USP6NL: variants seen among roughly 807,000 people sequenced by gnomAD.
USP6NL encodes USP6 N-terminal like, also known as USP6 N-terminal-like protein.
A neutral mutation model predicts 61.9 loss-of-function variants in USP6NL; 26 were observed. The observed-to-expected ratio is 0.42, with a 90% CI of 0.31 to 0.58. The LOEUF (loss-of-function observed/expected upper bound fraction) is 0.58. Among genes scored for constraint, USP6NL ranks in the 20% least tolerant of loss-of-function variants. The pLI is 0.16. For synonymous variants in USP6NL, 432 were observed against 390.1 expected (o/e 1.11, Z -1.27); for missense variants, 1,114 against 1,034.3 (o/e 1.08, Z -1.06).
At position 11,555,429 on chromosome 10, in the gene USP6NL, A is replaced by T. The variant is rs1471453515; in HGVS notation, c.5-27862T>A. ...AAACTCGGTCTTAAAAAAAAAAAAA[A>T]AAAAATATATATATATATATATAGA... On this transcript the variant is annotated intron_variant, in intron 2 of 14. Transcript: ENST00000609104. 9.5e-4 allele frequency among the ~76,000 whole-genome samples: 79 copies of T among 83,022 alleles called. 1 individual carries two copies. The highest frequency in any genetic ancestry group is 1.1e-3 in the Non-Finnish European group (51 of 45,376). 54.5% of individuals were successfully genotyped at this position (83,022 alleles called of 152,430 possible).
At chr10:11,570,728 T>C (rs1280196875) in intron 2 of USP6NL, among the ~76,000 whole-genome samples, 2 of 152,170 alleles carry the variant, frequency 1.3e-5, no homozygotes, top group Non-Finnish European at 2.9e-5. Flanking sequence ...CTTACACACA[T>C]CTGAAGAGAT....
In USP6NL at chr10:11,510,460, T is replaced by G. The variant is rs1314942831; in HGVS notation, c.196-785A>C. The stretch of plus-strand genomic sequence containing the variant: ...GGGCCGACAGCAGCTCCAAAGGGTT[T>G]ACAAAAAAGCATCAGGACACCAGGC... On this transcript the variant is annotated intron_variant, in intron 5 of 14. Coordinates refer to ENST00000609104, the MANE Select transcript of USP6NL (RefSeq NM_014688.5). This position sits in a 1 kb window ranked among gnomAD's most constrained non-coding sequence, Gnocchi z 4.8. Among the ~76,000 whole-genome samples, 2 of 152,108 alleles carry G rather than the reference T, an allele frequency of 1.3e-5. No homozygotes were observed. The highest frequency in any genetic ancestry group is 4.8e-5 in the African/African-American group (2 of 41,412).
At chr10:11,527,929 C>T (rs189225164) in intron 2 of USP6NL, among the ~76,000 whole-genome samples, 6 of 152,234 alleles carry the variant, frequency 3.9e-5, no homozygotes, top group East Asian at 1.9e-4. Flanking sequence ...ACATTCAAAA[C>T]GGCTTTTAAA....
Position 11,485,307 on chromosome 10 carries a change from AG to A in USP6NL, c.760-74del. The A allele has an allele frequency of 6.5e-6, 8 of 1,239,880 alleles. No homozygotes were observed. The highest frequency in any genetic ancestry group is 8.8e-6 in the Non-Finnish European group (8 of 904,990). The allele number at this position is 1,239,880 out of a possible 1,614,324, so 76.8% of individuals were successfully genotyped here. The stretch of plus-strand genomic sequence containing the variant: ...TTAACAAAATAATACTAAGTTAGGA[AG>A]GCTGTTGGATGCAGCTATCAAAGCT... On this transcript the variant is annotated intron_variant, in intron 11 of 14. Coordinates refer to ENST00000609104, the MANE Select transcript of USP6NL (RefSeq NM_014688.5). The surrounding 1 kb of genome is among the most constrained non-coding windows in gnomAD (Gnocchi z 4.8).
chr10:11,538,975 G>A (rs898805396), intron 2 of USP6NL, among the ~76,000 whole-genome samples: 1 of 152,168 alleles, frequency 6.6e-6, no homozygotes, highest in Non-Finnish European at 1.5e-5. Flanking sequence ...CTGCTCATGT[G>A]GCTGGGTGTG....
intron 2 of USP6NL, among the ~76,000 whole-genome samples, chr10:11,586,752 TA>T (rs1287180410): frequency 1.3e-5 from 2 of 151,790 alleles, no homozygotes; most frequent in Non-Finnish European, 2.9e-5. Context: ...TAAATGAAAT[TA>T]GATAAAAGTA....
At chr10:11,497,473 C>T (rs11257130) in intron 7 of USP6NL, among the ~76,000 whole-genome samples, 48,131 of 150,590 alleles carry the variant, frequency 0.32, 8,223 homozygotes, top group East Asian at 0.67. Flanking sequence ...GAGGTTTCAA[C>T]TGTTGTTCTA....
rs1833417373 is a variant in USP6NL, at chr10:11,485,389, T to C, written c.760-155A>G. Among the ~76,000 whole-genome samples the C allele has an allele frequency of 6.6e-6, 1 of 152,218 alleles. No homozygotes were observed. Among genetic ancestry groups the C allele is most frequent in the Admixed American group, 6.5e-5 (1 of 15,284 alleles). The stretch of plus-strand genomic sequence containing the variant: ...GAATAAATTCCTCTTAGGACTGTAA[T>C]ACAACAATTAGATTCTCTTTAATAT... On this transcript the variant is annotated intron_variant, in intron 11 of 14. Coordinates refer to ENST00000609104, the MANE Select transcript of USP6NL (RefSeq NM_014688.5). The surrounding 1 kb of genome is among the most constrained non-coding windows in gnomAD (Gnocchi z 4.8).
At chr10:11,477,137 G>C (rs1296189065) in intron 14 of USP6NL, among the ~76,000 whole-genome samples, 1 of 152,180 alleles carries the variant, frequency 6.6e-6, no homozygotes, top group Non-Finnish European at 1.5e-5. Context: ...CTTCCAAAGT[G>C]TTGGGATTAC....
rs540248232 is a variant in USP6NL at position 11,556,560 on chromosome 10, G to A, written c.5-28993C>T. ...AAACAAACAAGCACTCAGCAAATAC[G>A]AAAGTAAAAGAATGGGAAAGTTATA... is the stretch of plus-strand genomic sequence containing the variant. On this transcript the variant is annotated intron_variant, in intron 2 of 14. Transcript: ENST00000609104. 1.4e-4 allele frequency among the ~76,000 whole-genome samples: 21 copies of A among 152,148 alleles called. No individual in the cohort carries two copies. The South Asian group carries it at 3.5e-3, about 26-fold the overall frequency.
At chr10:11,507,668 G>GA (rs1388798032) in intron 6 of USP6NL, among the ~76,000 whole-genome samples, 2 of 152,094 alleles carry the variant, frequency 1.3e-5, no homozygotes, top group Non-Finnish European at 2.9e-5. Context: ...CTACAGTAAA[G>GA]AAAGAAATCT....
intron 5 of USP6NL, among the ~76,000 whole-genome samples, chr10:11,514,192 T>C (rs1421196434): frequency 6.6e-6 from 1 of 151,096 alleles, no homozygotes; most frequent in African/African-American, 2.4e-5. Flanking sequence ...TTAACAACTC[T>C]ACCCAATGGT....
At position 11,543,168 on chromosome 10, in the gene USP6NL, A is replaced by G. The variant is rs1451272622; in HGVS notation, c.5-15601T>C. ...AGGGTAACTGTAAGCCTTTTTAACT[A>G]TGCAAATTTTACTCAAAAAGCAAAT... On this transcript the variant is annotated intron_variant, in intron 2 of 14. Coordinates refer to ENST00000609104, the MANE Select transcript of USP6NL (RefSeq NM_014688.5). Among the ~76,000 whole-genome samples the G allele has an allele frequency of 4.6e-5, 7 of 152,360 alleles. No individual in the cohort carries two copies. In the East Asian group the frequency reaches 1.3e-3, roughly 29 times the overall value.
intron 14 of USP6NL, among the ~76,000 whole-genome samples, chr10:11,479,194 A>T (rs1833087812): frequency 6.6e-6 from 1 of 152,224 alleles, no homozygotes; most frequent in Non-Finnish European, 1.5e-5. Flanking sequence ...AAAATTCTTT[A>T]CAAAAAACAC....
rs187188470 is a variant in USP6NL at position 11,485,772 on chromosome 10, T to G, written c.759+45A>C. The G allele has an allele frequency of 6.3e-3, 8,182 of 1,292,786 alleles. 37 individuals are homozygous for G. Among genetic ancestry groups the G allele is most frequent in the Middle Eastern group, 0.016 (86 of 5,542 alleles). 80.1% of individuals were successfully genotyped at this position (1,292,786 alleles called of 1,614,324 possible). On this transcript the variant is annotated intron_variant, in intron 11 of 14. Transcript: ENST00000609104. The surrounding 1 kb of genome is among the most constrained non-coding windows in gnomAD (Gnocchi z 4.8). ...ACAATTTAATTATCCCAGCTTTTTT[T>G]GGGGGGTGGGTAGGTGGGTGTAAGT... is the stretch of plus-strand genomic sequence containing the variant.
chr10:11,529,292 T>TG (rs1306362278), intron 2 of USP6NL, among the ~76,000 whole-genome samples: 1 of 152,196 alleles, frequency 6.6e-6, no homozygotes, highest in Non-Finnish European at 1.5e-5. Flanking sequence ...TTGACAACAA[T>TG]GGTGACATTG....
chr10:11,530,404 A>G (rs1835609121), intron 2 of USP6NL, among the ~76,000 whole-genome samples: 1 of 152,232 alleles, frequency 6.6e-6, no homozygotes, highest in South Asian at 2.1e-4. Context: ...GTGGCAAACT[A>G]TAAAATATAA....
chr10:11,602,121 A>G lies in USP6NL; in HGVS notation c.-83-4404T>C, dbSNP rs574953929. Among the ~76,000 whole-genome samples the G allele has an allele frequency of 1.5e-4, 23 of 152,334 alleles. 1 individual carries two copies. In the East Asian group the frequency reaches 4.2e-3, roughly 28 times the overall value. On this transcript the variant is annotated intron_variant, in intron 1 of 14. Coordinates refer to ENST00000609104, the MANE Select transcript of USP6NL (RefSeq NM_014688.5). The surrounding 1 kb of genome is among the most constrained non-coding windows in gnomAD (Gnocchi z 4.8). ...AAGGGATTGACTACATTGTTAATTC[A>G]CATTTAATAGATTCTCATGTACTCA...
intron 2 of USP6NL, among the ~76,000 whole-genome samples, chr10:11,539,771 G>A (rs1229149953): frequency 6.6e-6 from 1 of 152,338 alleles, no homozygotes; most frequent in East Asian, 1.9e-4. Context: ...CTCCTTGCTT[G>A]TGGATATTTT....
Sources: allele counts gnomAD v4.1 joint callset (sites outside exome capture counted in the v4.1 genomes callset), GRCh38; gene constraint gnomAD v4.1.1; non-coding constraint Gnocchi (gnomAD v3.1); transcripts MANE v1.5; gene names NCBI Gene and HGNC (gene_info 2026-07-23, HGNC 2026-07-21).